Variants in TRDN observed in about 807,000 individuals in gnomAD.
TRDN encodes triadin, also known as triadin in skeletal muscle.
In TRDN, 161 loss-of-function variants were observed where a neutral mutation model predicts 149.7. That is an observed-to-expected ratio of 1.08 (90% CI 0.95 to 1.23). TRDN has a LOEUF of 1.23. TRDN is among the 50% of genes most tolerant of loss of function. The pLI is 0.00. For synonymous variants in TRDN, 294 were observed against 250.5 expected, an observed-to-expected ratio of 1.17 and a Z score of -1.64; for missense variants, 896 against 823.5, an observed-to-expected ratio of 1.09 and a Z score of -1.08.
chr6:123,433,529 T>C (rs1329874611), intron 12 of TRDN, among the ~76,000 whole-genome samples: 1 of 152,038 alleles, frequency 6.6e-6, no homozygotes, highest in Non-Finnish European at 1.5e-5. Context: ...TCAAGATGCA[T>C]GCATGCATGA....
chr6:123,512,755 T>C (rs965276855), intron 6 of TRDN, among the ~76,000 whole-genome samples: 1 of 151,840 alleles, frequency 6.6e-6, no homozygotes, highest in Non-Finnish European at 1.5e-5. Flanking sequence ...CAAATCATCA[T>C]ACATTTTTCA....
At chr6:123,290,208 A>G (rs1247132812) in intron 24 of TRDN, among the ~76,000 whole-genome samples, 1 of 151,522 alleles carries the variant, frequency 6.6e-6, no homozygotes, top group East Asian at 1.9e-4. Flanking sequence ...GTCTCTTTCT[A>G]TTTTCCACAC....
At chr6:123,616,057 C>T (rs1785064958) in intron 1 of TRDN, among the ~76,000 whole-genome samples, 1 of 151,916 alleles carries the variant, frequency 6.6e-6, no homozygotes, top group Non-Finnish European at 1.5e-5. Flanking sequence ...CAAAAAAGAC[C>T]TATAAAAATT....
Position 123,268,719 on chromosome 6 carries a change from C to T in TRDN, c.1739-968G>A, listed in dbSNP as rs78098223. The stretch of plus-strand genomic sequence containing the variant: ...GGTGTCATCAGACTAAACAGATATT[C>T]GTACATTAGGAACTGATAGCATTCA... On this transcript the variant is annotated intron_variant, in intron 31 of 40. Coordinates refer to ENST00000334268, the MANE Select transcript of TRDN (RefSeq NM_006073.4). 8.3e-3 allele frequency among the ~76,000 whole-genome samples: 1,266 copies of T among 152,018 alleles called. 27 individuals are homozygous for T. The highest frequency in any genetic ancestry group is 0.08 in the East Asian group (411 of 5,168).
At position 123,630,854 on chromosome 6, in the gene TRDN, T is replaced by G. The variant is rs181211121; in HGVS notation, c.22+5900A>C. On this transcript the variant is annotated intron_variant, in intron 1 of 40. Transcript: ENST00000334268. ...TAATTTGCCAAATAGCATGATCTTGTAAAATTTTTAAAAATTCCTCTGGCC... is the reference window on the plus strand; with the variant it reads ...TAATTTGCCAAATAGCATGATCTTGGAAAATTTTTAAAAATTCCTCTGGCC... 4.3e-3 allele frequency among the ~76,000 whole-genome samples: 654 copies of G among 152,092 alleles called. 3 individuals are homozygous for G. The highest frequency in any genetic ancestry group is 6.4e-3 in the Non-Finnish European group (432 of 67,938).
At chr6:123,466,289 C>G (rs1012483492) in intron 9 of TRDN, among the ~76,000 whole-genome samples, 1 of 152,114 alleles carries the variant, frequency 6.6e-6, no homozygotes, top group Non-Finnish European at 1.5e-5. Context: ...ATCTTTCTTT[C>G]CCTAGCTAAC....
At chr6:123,218,761 GT>G (rs775989883) in intron 40 of TRDN, 21 bp from the exon 41 acceptor site, 1 of 1,549,900 alleles carries the variant, frequency 6.5e-7, no homozygotes, top group South Asian at 1.2e-5. Context: ...GAGCATGACA[GT>G]TTGTTAAAAC....
At chr6:123,495,519 CAAAAAAAAT>C (rs1448351282) in intron 9 of TRDN, among the ~76,000 whole-genome samples, 1 of 44,610 alleles carries the variant, frequency 2.2e-5, no homozygotes, top group Non-Finnish European at 5.6e-5. Context: ...GGCTCTGTCT[CAAAAAAAAT>C]AAAAAAAATA....
At chr6:123,356,531 A>ATATT (rs1206754693) in intron 20 of TRDN, among the ~76,000 whole-genome samples, 38 of 97,196 alleles carry the variant, frequency 3.9e-4, no homozygotes, top group African/African-American at 1.2e-3. Flanking sequence ...ATATATATAT[A>ATATT]TATATATATA....
rs78829821 is a variant in TRDN, at chr6:123,431,071, T to A, written c.1051+6992A>T. On this transcript the variant is annotated intron_variant, in intron 12 of 40. Transcript: ENST00000334268. ...CTATTGTCTTACCTAAGTTCCATGA[T>A]TATAAAACACTTGAAAATATACTCT... 3.5e-3 allele frequency among the ~76,000 whole-genome samples: 533 copies of A among 152,320 alleles called. 23 individuals are homozygous for A. The East Asian group carries it at 0.095, about 27-fold the overall frequency.
intron 9 of TRDN, chr6:123,468,813 T>C (rs1776987902): frequency 6.6e-6 from 1 of 152,186 alleles, no homozygotes; most frequent in African/African-American, 2.4e-5. Flanking sequence ...TTTTATGTCA[T>C]AGACCCTCAT....
intron 38 of TRDN, among the ~76,000 whole-genome samples, chr6:123,242,044 A>C (rs1582764155): frequency 6.6e-6 from 1 of 152,132 alleles, no homozygotes; most frequent in African/African-American, 2.4e-5. Flanking sequence ...CACCTATAAA[A>C]TCTTTTTCTT....
At chr6:123,254,560 T>G (rs151102873) in intron 37 of TRDN, among the ~76,000 whole-genome samples, 449 of 152,154 alleles carry the variant, frequency 3.0e-3, no homozygotes, top group African/African-American at 0.01. Flanking sequence ...AGTATAAACG[T>G]TATTTACAGT....
rs369874840 is a variant in TRDN at position 123,290,676 on chromosome 6, T to A, written c.1511-11594A>T. ...GATAGAATAATCCTCACCTATAGAA[T>A]GTCAATGTCTGCTGGGCAGTTCAGG... On this transcript the variant is annotated intron_variant, in intron 24 of 40. Coordinates refer to ENST00000334268, the MANE Select transcript of TRDN (RefSeq NM_006073.4). 1.2e-4 allele frequency among the ~76,000 whole-genome samples: 19 copies of A among 152,334 alleles called. No individual in the cohort carries two copies. The East Asian group carries it at 2.7e-3, about 22-fold the overall frequency.
chr6:123,320,974 T>C (rs985672603), intron 23 of TRDN, among the ~76,000 whole-genome samples: 1 of 152,074 alleles, frequency 6.6e-6, no homozygotes, highest in Non-Finnish European at 1.5e-5. Flanking sequence ...TTTAATGACA[T>C]GGGAAGTTGT....
At chr6:123,615,537 TACACACAC>T (rs59953395) in intron 1 of TRDN, among the ~76,000 whole-genome samples, 19,958 of 149,052 alleles carry the variant, frequency 0.13, 2,097 homozygotes, top group African/African-American at 0.3. Context: ...AACATGTATA[TACACACAC>T]ACACACACAC....
chr6:123,460,420 T>C (rs936849191), intron 10 of TRDN, among the ~76,000 whole-genome samples: 1 of 152,148 alleles, frequency 6.6e-6, no homozygotes, highest in African/African-American at 2.4e-5. Context: ...TATATTGTTA[T>C]TAGCAACTCT....
At chr6:123,409,713 A>ACACC (rs753696190) in intron 12 of TRDN, among the ~76,000 whole-genome samples, 1 of 151,766 alleles carries the variant, frequency 6.6e-6, no homozygotes, top group African/African-American at 2.4e-5. Flanking sequence ...ACACACACAC[A>ACACC]CACCCAAAAC....
At chr6:123,383,156 C>A (rs1424936728) in intron 14 of TRDN, among the ~76,000 whole-genome samples, 1 of 151,918 alleles carries the variant, frequency 6.6e-6, no homozygotes, top group East Asian at 1.9e-4. Context: ...GGTGGTATCA[C>A]GACTTCACTT....
Sources: gnomAD v4.1 joint callset for allele counts (sites outside exome capture counted in the v4.1 genomes callset) on GRCh38, gnomAD v4.1.1 for gene constraint, MANE v1.5 for transcripts, NCBI Gene and HGNC (gene_info 2026-07-23, HGNC 2026-07-21) for gene names.